CECR2: variants seen among roughly 807,000 people sequenced by gnomAD.
CECR2 encodes the protein CECR2 histone acetyl-lysine reader.
A neutral mutation model predicts 154.5 loss-of-function variants in CECR2; 30 were observed. The ratio of observed to expected loss-of-function variants is 0.19; its 90% CI spans 0.15 to 0.26. CECR2 has a LOEUF of 0.26. Ranked by LOEUF, CECR2 falls within the 10% of genes least tolerant of loss-of-function variation. CECR2 has a pLI of 1.00. For synonymous variants in CECR2, 725 were observed against 683.7 expected, an observed-to-expected ratio of 1.06 and a Z score of -0.94; for missense variants, 1,743 against 1,829.3, an observed-to-expected ratio of 0.95 and a Z score of 0.86.
chr22:17,366,835 C>A (rs1043105005), upstream of CECR2, among the ~76,000 whole-genome samples: 1 of 152,130 alleles, frequency 6.6e-6, no homozygotes, highest in Non-Finnish European at 1.5e-5. Flanking sequence ...ACTGTTGATT[C>A]CAAGACACTT....
At chr22:17,440,203 A>G (rs1427676946) in intron 1 of CECR2, among the ~76,000 whole-genome samples, 2 of 148,722 alleles carry the variant, frequency 1.3e-5, no homozygotes, top group Non-Finnish European at 3.0e-5. Flanking sequence ...GAATTTATAT[A>G]AAACTGTGTG....
chr22:17,417,694 C>G (rs1456647876), intron 1 of CECR2, among the ~76,000 whole-genome samples: 9 of 152,122 alleles, frequency 5.9e-5, no homozygotes. Context: ...TCTTGGCTCA[C>G]TGCAACCTCT....
intron 1 of CECR2, among the ~76,000 whole-genome samples, chr22:17,465,334 T>G (rs868252170): frequency 6.6e-6 from 1 of 151,706 alleles, no homozygotes; most frequent in Non-Finnish European, 1.5e-5. Context: ...TTTTATTTTG[T>G]TTTTTGTTTT....
At chr22:17,390,897 T>C (rs1319311625) in intron 1 of CECR2, among the ~76,000 whole-genome samples, 2 of 152,242 alleles carry the variant, frequency 1.3e-5, no homozygotes, top group Non-Finnish European at 2.9e-5. Context: ...GAAAGTGAAA[T>C]TACTTTTTAA....
chr22:17,502,156 A>C (rs528139339), intron 5 of CECR2, among the ~76,000 whole-genome samples: 48 of 152,308 alleles, frequency 3.2e-4, no homozygotes, highest in Non-Finnish European at 6.0e-4. Context: ...TTGTCATTTA[A>C]TCTCCAACGT....
At chr22:17,452,909 T>A (rs968251846) in intron 1 of CECR2, among the ~76,000 whole-genome samples, 1 of 152,168 alleles carries the variant, frequency 6.6e-6, no homozygotes, top group Non-Finnish European at 1.5e-5. Context: ...CTTGGTTTTT[T>A]AATGTCCGTG....
chr22:17,487,716 T>G (rs1414164427), intron 2 of CECR2, among the ~76,000 whole-genome samples: 1 of 152,094 alleles, frequency 6.6e-6, no homozygotes, highest in Non-Finnish European at 1.5e-5. Flanking sequence ...TAATACTTAC[T>G]GCTAAAATGT....
At chr22:17,552,787 T>TTTTTTTTAA in intron 18 of CECR2, 48 bp from the exon 19 acceptor site, 1 of 1,391,194 alleles carries the variant, frequency 7.2e-7, no homozygotes, top group Non-Finnish European at 9.7e-7. Flanking sequence ...TTTTTTTTTT[T>TTTTTTTTAA]AACAACCCAA....
rs145539443 is a variant in CECR2 at position 17,505,140 on chromosome 22, G to T, written c.870+124G>T. The T allele has an allele frequency of 6.4e-4, 590 of 927,598 alleles. 3 individuals carry two copies. In the African/African-American group the frequency reaches 7.7e-3, roughly 12 times the overall value. 57.5% of individuals were successfully genotyped at this position (927,598 alleles called of 1,614,324 possible). On this transcript the variant is annotated intron_variant, in intron 7 of 18. Transcript: ENST00000262608. Reference sequence around the variant, plus strand: ...TGGAAATAGTGCAGTCTTCCATCCTGTCTGAACTCCAGTGTTAGAATGGGA... The same window carrying T: ...TGGAAATAGTGCAGTCTTCCATCCTTTCTGAACTCCAGTGTTAGAATGGGA...
chr22:17,395,587 T>C (rs78777168), intron 1 of CECR2, among the ~76,000 whole-genome samples: 8,142 of 152,158 alleles, frequency 0.054, 346 homozygotes, highest in African/African-American at 0.12. Flanking sequence ...TCAAGTGATA[T>C]GCCCGCCTCA....
At chr22:17,524,692 C>CTTTT (rs1188195849) in intron 9 of CECR2, among the ~76,000 whole-genome samples, 4 of 44,306 alleles carry the variant, frequency 9.0e-5, no homozygotes, top group African/African-American at 1.2e-4. Flanking sequence ...ATGCCTGGCC[C>CTTTT]TTTTTTTTTT....
intron 1 of CECR2, among the ~76,000 whole-genome samples, chr22:17,392,865 C>CCCCGT (rs2063340289): frequency 1.3e-5 from 2 of 152,052 alleles, no homozygotes; most frequent in African/African-American, 4.8e-5. Context: ...CATGGTGAAA[C>CCCCGT]CCCGTCTCTA....
At chr22:17,368,682 G>A (rs774244974), upstream of CECR2, among the ~76,000 whole-genome samples, 1 of 152,070 alleles carries the variant, frequency 6.6e-6, no homozygotes, top group African/African-American at 2.4e-5. Flanking sequence ...CGCCTTCCAA[G>A]CACATTGTGC....
chr22:17,462,842 G>A (rs543521246), intron 1 of CECR2, among the ~76,000 whole-genome samples: 5 of 152,118 alleles, frequency 3.3e-5, no homozygotes, highest in Non-Finnish European at 7.4e-5. Context: ...AACCTGGGAG[G>A]TGGAGGTTGC....
intron 1 of CECR2, among the ~76,000 whole-genome samples, chr22:17,363,606 A>G (rs903009259): frequency 1.3e-5 from 2 of 151,780 alleles, no homozygotes; most frequent in Non-Finnish European, 2.9e-5. Context: ...GCCTCCCAAA[A>G]TGCTGGAATT....
Position 17,383,437 on chromosome 22 carries a change from A to C in CECR2, c.126+13528A>C, listed in dbSNP as rs74276433. ...CCACTGCTTTATCAGCTTGGTTTAG[A>C]ATATTCTAAATCTTTTGTTGTCATT... On this transcript the variant is annotated intron_variant, in intron 1 of 18. Coordinates refer to ENST00000262608, the MANE Select transcript of CECR2 (RefSeq NM_001290047.2). Among the ~76,000 whole-genome samples, 1,255 of 152,240 alleles carry C rather than the reference A, an allele frequency of 8.2e-3. 55 individuals are homozygous for C. In the East Asian group the frequency reaches 0.14, roughly 16 times the overall value.
rs1194470590 is a variant in CECR2, at chr22:17,408,212, A to AC, written c.126+38309dup. ...ACCCTGTACCCCCCTCAGCCCCCTC[A>AC]CCCCCCAGCCCCTGGCAATCACTCG... is the stretch of plus-strand genomic sequence containing the variant. On this transcript the variant is annotated intron_variant, in intron 1 of 18. Transcript: ENST00000262608. Among the ~76,000 whole-genome samples, 20 of 43,274 alleles carry AC rather than the reference A, an allele frequency of 4.6e-4. No individual in the cohort carries two copies. The South Asian group carries it at 0.015, about 31-fold the overall frequency. The allele number at this position is 43,274 out of a possible 152,430, so 28.4% of individuals were successfully genotyped here.
intron 2 of CECR2, among the ~76,000 whole-genome samples, chr22:17,495,386 T>C (rs2055604850): frequency 6.6e-6 from 1 of 151,692 alleles, no homozygotes; most frequent in African/African-American, 2.4e-5. Context: ...CTGGCCAACG[T>C]GGTGAAACCC....
intron 9 of CECR2, among the ~76,000 whole-genome samples, chr22:17,534,331 A>G (rs746832593): frequency 6.6e-6 from 1 of 152,114 alleles, no homozygotes; most frequent in Non-Finnish European, 1.5e-5. Flanking sequence ...GTACCAGGAC[A>G]CTTGTTCATT....
Sources: allele counts gnomAD v4.1 joint callset (sites outside exome capture counted in the v4.1 genomes callset), GRCh38; gene constraint gnomAD v4.1.1; transcripts MANE v1.5; gene names NCBI Gene and HGNC (gene_info 2026-07-23, HGNC 2026-07-21).